The following TENM3 variants were observed in gnomAD, a reference collection of about 807,000 sequenced individuals.
The protein encoded by TENM3 is teneurin-3.
In TENM3, 63 loss-of-function variants were observed where a neutral mutation model predicts 255.1. That is an observed-to-expected ratio of 0.25 (90% CI 0.20 to 0.30). TENM3 has a LOEUF of 0.30. Ranked by LOEUF, TENM3 falls within the 10% of genes least tolerant of loss-of-function variation. The pLI is 1.00. For missense variants in TENM3, 2,929 were observed against 3,461.1 expected, an observed-to-expected ratio of 0.85 and a Z score of 3.86; for synonymous variants, 1,306 against 1,322.3, an observed-to-expected ratio of 0.99 and a Z score of 0.27.
At chr4:181,537,354 T>C in the TENM3 span, among the ~76,000 whole-genome samples, 11 of 152,286 alleles carry the variant, frequency 7.2e-5, 1 homozygote, top group South Asian at 2.3e-3. Context: ...ACATACACAC[T>C]GTAATTTACA....
the TENM3 span, among the ~76,000 whole-genome samples, chr4:181,893,485 C>T: frequency 8.3e-5 from 1 of 12,066 alleles, no homozygotes; most frequent in Non-Finnish European, 2.3e-4. Context: ...CCACTTTCCC[C>T]TGCCCACCCC....
chr4:182,201,838 C>G (rs1311393220), intron 1 of TENM3, among the ~76,000 whole-genome samples: 1 of 152,150 alleles, frequency 6.6e-6, no homozygotes, highest in East Asian at 1.9e-4. Flanking sequence ...GGTAGGCATA[C>G]TTGTCTTATT....
chr4:181,880,574 T>C, the TENM3 span, among the ~76,000 whole-genome samples: 1 of 152,184 alleles, frequency 6.6e-6, no homozygotes, highest in Non-Finnish European at 1.5e-5. Context: ...ACCCAATTTT[T>C]AGTAACATAG....
At chr4:182,052,214 T>C in the TENM3 span, among the ~76,000 whole-genome samples, 6 of 152,126 alleles carry the variant, frequency 3.9e-5, no homozygotes, top group East Asian at 1.9e-4. Context: ...AGATCCTGCA[T>C]AGAGAGGCCT....
At chr4:181,904,010 A>G in the TENM3 span, among the ~76,000 whole-genome samples, 1 of 152,146 alleles carries the variant, frequency 6.6e-6, no homozygotes, top group Non-Finnish European at 1.5e-5. Context: ...ATGTGTATCT[A>G]ACTGTCCATT....
chr4:181,694,219 A>G, the TENM3 span, among the ~76,000 whole-genome samples: 1 of 152,196 alleles, frequency 6.6e-6, no homozygotes, highest in Admixed American at 6.5e-5. Context: ...GCACACAAAG[A>G]AACACAGCCT....
chr4:181,882,771 A>C, the TENM3 span, among the ~76,000 whole-genome samples: 17 of 152,218 alleles, frequency 1.1e-4, no homozygotes, highest in African/African-American at 4.1e-4. Flanking sequence ...CATCTAGTCC[A>C]ACACTTTCTT....
At chr4:181,642,054 T>C in the TENM3 span, among the ~76,000 whole-genome samples, 1 of 151,696 alleles carries the variant, frequency 6.6e-6, no homozygotes, top group African/African-American at 2.4e-5. Flanking sequence ...CACACTGTTT[T>C]TCACAATGAT....
chr4:181,464,915 C>T, the TENM3 span, among the ~76,000 whole-genome samples: 1 of 152,132 alleles, frequency 6.6e-6, no homozygotes, highest in Non-Finnish European at 1.5e-5. Context: ...GGTGCCATTG[C>T]ACTCTCCAGC....
chr4:182,607,761 A>C (rs901741620), intron 4 of TENM3, among the ~76,000 whole-genome samples: 2 of 152,224 alleles, frequency 1.3e-5, no homozygotes, highest in Admixed American at 1.3e-4. Context: ...TGATATTGAA[A>C]GCGTAATTTC....
chr4:182,460,582 G>C (rs1291964982), intron 3 of TENM3, among the ~76,000 whole-genome samples: 1 of 152,148 alleles, frequency 6.6e-6, no homozygotes, highest in Non-Finnish European at 1.5e-5. Context: ...GGTGATAGTG[G>C]TGTTTAGCTG....
intron 22 of TENM3, among the ~76,000 whole-genome samples, chr4:182,762,232 A>G (rs1469037733): frequency 6.6e-6 from 1 of 152,202 alleles, no homozygotes; most frequent in Non-Finnish European, 1.5e-5. Flanking sequence ...TGGCAAGTCA[A>G]TATTCCGGAT....
the TENM3 span, among the ~76,000 whole-genome samples, chr4:181,497,749 TTAA>T: frequency 6.6e-6 from 1 of 152,182 alleles, no homozygotes; most frequent in Non-Finnish European, 1.5e-5. Flanking sequence ...ATGATCAAAC[TTAA>T]TAACCCCGCA....
At chr4:182,119,421 A>G in the TENM3 span, among the ~76,000 whole-genome samples, 263 of 152,196 alleles carry the variant, frequency 1.7e-3, 3 homozygotes, top group African/African-American at 6.1e-3. Flanking sequence ...CGGAGCCTTC[A>G]GCAATTCATC....
chr4:181,985,295 C>A, the TENM3 span, among the ~76,000 whole-genome samples: 1 of 149,614 alleles, frequency 6.7e-6, no homozygotes, highest in African/African-American at 2.5e-5. Flanking sequence ...TTTATTGTAG[C>A]AAATCAGCTA....
chr4:181,637,570 G>C, the TENM3 span, among the ~76,000 whole-genome samples: 1 of 152,162 alleles, frequency 6.6e-6, no homozygotes, highest in Non-Finnish European at 1.5e-5. Context: ...TCACACTGTG[G>C]GAGGAAAAGC....
chr4:182,485,924 C>T (rs13118590), intron 3 of TENM3, among the ~76,000 whole-genome samples: 103,019 of 152,014 alleles, frequency 0.68, 37,453 homozygotes, highest in East Asian at 0.92. Context: ...GGGCAGCTAA[C>T]CCACCTTAGG....
chr4:181,915,038 C>G, the TENM3 span, among the ~76,000 whole-genome samples: 1 of 151,944 alleles, frequency 6.6e-6, no homozygotes, highest in Non-Finnish European at 1.5e-5. Flanking sequence ...GCCGTTTTTT[C>G]CCAGTCTCCT....
chr4:182,375,032 A>G (rs558406901), intron 3 of TENM3, among the ~76,000 whole-genome samples: 1 of 152,198 alleles, frequency 6.6e-6, no homozygotes, highest in South Asian at 2.1e-4. Flanking sequence ...ACAATCTGCA[A>G]TACCCTCTTA....
Sources: gnomAD v4.1 joint callset for allele counts (sites outside exome capture counted in the v4.1 genomes callset) on GRCh38, gnomAD v4.1.1 for gene constraint, MANE v1.5 for transcripts, NCBI Gene and HGNC (gene_info 2026-07-23, HGNC 2026-07-21) for gene names.